The following FSTL5 variants were observed in gnomAD, a reference collection of about 807,000 sequenced individuals.
FSTL5 encodes the protein follistatin like 5, also known as follistatin-related protein 5.
FSTL5 carries 62 observed loss-of-function variants against 89.1 expected under a neutral mutation model. The observed-to-expected ratio is 0.70, with a 90% CI of 0.57 to 0.86. The LOEUF (loss-of-function observed/expected upper bound fraction) is 0.86, where lower values mean the gene tolerates loss of function less well. Ranked by LOEUF, FSTL5 falls within the 40% of genes least tolerant of loss-of-function variation. The probability of loss-of-function intolerance (pLI) is 0.00; values close to 1 mark genes in which losing one functional copy is unlikely to be tolerated. For synonymous variants in FSTL5, 383 were observed against 346.2 expected (o/e 1.11, Z -1.18); for missense variants, 1,057 against 1,001.6 (o/e 1.06, Z -0.75).
chr4:162,034,761 A>T (rs1737667057), intron 2 of FSTL5, among the ~76,000 whole-genome samples: 1 of 152,180 alleles, frequency 6.6e-6, no homozygotes, highest in African/African-American at 2.4e-5. Context: ...AGAGTAGGAA[A>T]ATATAAAGAA....
chr4:161,431,479 A>C (rs914065473), intron 15 of FSTL5, among the ~76,000 whole-genome samples: 1 of 151,934 alleles, frequency 6.6e-6, no homozygotes, highest in Non-Finnish European at 1.5e-5. Flanking sequence ...AGAACGTAAA[A>C]ATCAACAAAT....
intron 10 of FSTL5, among the ~76,000 whole-genome samples, chr4:161,516,630 A>G (rs190065076): frequency 6.7e-5 from 1 of 14,844 alleles, no homozygotes; most frequent in African/African-American, 1.5e-4. Context: ...ATTTTATATA[A>G]TAAATTATAT....
rs17041567 is a variant in FSTL5, at chr4:161,804,648, C to T, written c.410-28574G>A. ...AAAATCAATAGAAATTTAATAAGGA[C>T]GGTTTTGAGATGTGCCTAACGAAAT... On this transcript the variant is annotated intron_variant, in intron 4 of 15. Transcript: ENST00000306100. Among the ~76,000 whole-genome samples the T allele has an allele frequency of 2.0e-3, 306 of 151,684 alleles. 1 individual carries two copies. Among genetic ancestry groups the T allele is most frequent in the African/African-American group, 6.1e-3 (254 of 41,408 alleles).
chr4:162,134,649 C>T (rs993001847), intron 1 of FSTL5, among the ~76,000 whole-genome samples: 2 of 152,122 alleles, frequency 1.3e-5, no homozygotes, highest in African/African-American at 4.8e-5. Flanking sequence ...TTTCATAGTC[C>T]CATTCACTTG....
intron 3 of FSTL5, among the ~76,000 whole-genome samples, chr4:161,986,302 C>A (rs1458070665): frequency 6.6e-6 from 1 of 152,148 alleles, no homozygotes; most frequent in Non-Finnish European, 1.5e-5. Flanking sequence ...GTAATCCCAG[C>A]ACTTTGGGAG....
chr4:161,894,513 C>T, intron 4 of FSTL5, among the ~76,000 whole-genome samples: 1 of 151,996 alleles, frequency 6.6e-6, no homozygotes, highest in East Asian at 1.9e-4. Context: ...TAGAGTCTCA[C>T]TCTTGTTGCC....
At chr4:161,549,277 T>C (rs1732116451) in intron 8 of FSTL5, among the ~76,000 whole-genome samples, 1 of 151,724 alleles carries the variant, frequency 6.6e-6, no homozygotes, top group Non-Finnish European at 1.5e-5. Context: ...AATATTGTAC[T>C]ATATTTTAAG....
At chr4:162,104,068 C>T (rs549127817) in intron 2 of FSTL5, among the ~76,000 whole-genome samples, 3 of 152,306 alleles carry the variant, frequency 2.0e-5, no homozygotes, top group South Asian at 4.1e-4. Context: ...TTTCGCTCGC[C>T]GTCCACCACT....
At chr4:161,615,668 A>G (rs1457929652) in intron 7 of FSTL5, among the ~76,000 whole-genome samples, 4 of 152,140 alleles carry the variant, frequency 2.6e-5, no homozygotes, top group African/African-American at 9.7e-5. Context: ...AAAAAGATTT[A>G]AAGAGTTTTA....
chr4:161,455,094 T>C lies in FSTL5; in HGVS notation c.1751A>G (p.His584Arg). Residue 584 changes from histidine (H) to arginine (R), a missense_variant, in exon 15 of 16, where the codon CAC (histidine) becomes CGC (arginine). His to Arg is a conservative substitution (Grantham distance 29). This residue lies in a region of FSTL5 where 980 missense variants were observed against 903.2 expected (regional missense o/e 1.08). Coordinates refer to ENST00000306100, the MANE Select transcript of FSTL5 (RefSeq NM_020116.5). Reference protein sequence around the residue: ...ITLASGNVPHHTIHTQPVGKQ... With the variant: ...ITLASGNVPHRTIHTQPVGKQ... ...TCCCACTGGTTGGGTGTGGATCGTG[T>C]GGTGAGGCACATTCCCACTGGCCAG... is the stretch of plus-strand genomic sequence containing the variant. 3.1e-6 allele frequency: 5 copies of C among 1,610,946 alleles called. No homozygotes were observed. In the South Asian group the frequency reaches 4.4e-5, roughly 14 times the overall value.
At chr4:161,535,092 A>G (rs1030354323) in intron 10 of FSTL5, among the ~76,000 whole-genome samples, 3 of 152,162 alleles carry the variant, frequency 2.0e-5, no homozygotes, top group African/African-American at 7.2e-5. Context: ...TAAAGATTTC[A>G]GTGTAAGACC....
chr4:161,625,845 T>A (rs775230924), intron 7 of FSTL5, among the ~76,000 whole-genome samples: 28 of 151,930 alleles, frequency 1.8e-4, no homozygotes, highest in Non-Finnish European at 3.7e-4. Context: ...GCGAAACAGG[T>A]TTATTGATGA....
At chr4:161,682,996 C>T (rs1405431807) in intron 6 of FSTL5, among the ~76,000 whole-genome samples, 5 of 152,154 alleles carry the variant, frequency 3.3e-5, no homozygotes, top group Admixed American at 6.5e-5. Context: ...CCACCCACCT[C>T]GGCCTCCCAA....
intron 6 of FSTL5, among the ~76,000 whole-genome samples, chr4:161,674,861 C>T (rs1243826001): frequency 6.6e-6 from 1 of 152,106 alleles, no homozygotes; most frequent in Non-Finnish European, 1.5e-5. Flanking sequence ...ATTCTGTCTC[C>T]GAGAGAACTC....
intron 13 of FSTL5, among the ~76,000 whole-genome samples, chr4:161,469,324 C>G (rs1159096246): frequency 6.6e-6 from 1 of 152,190 alleles, no homozygotes; most frequent in Non-Finnish European, 1.5e-5. Context: ...CATCTGTCAA[C>G]AGACACTTGA....
At chr4:162,064,395 CTG>C (rs1738821018) in intron 2 of FSTL5, among the ~76,000 whole-genome samples, 3 of 151,992 alleles carry the variant, frequency 2.0e-5, no homozygotes, top group Admixed American at 2.0e-4. Flanking sequence ...CAAACATTTT[CTG>C]TGTGTCTGTG....
chr4:161,697,204 A>C (rs1466703410), intron 6 of FSTL5, among the ~76,000 whole-genome samples: 1 of 152,182 alleles, frequency 6.6e-6, no homozygotes, highest in Non-Finnish European at 1.5e-5. Context: ...GGACTGAGGA[A>C]TGGGGACGGG....
chr4:161,913,037 G>A (rs1341661689), intron 4 of FSTL5, among the ~76,000 whole-genome samples: 1 of 152,090 alleles, frequency 6.6e-6, no homozygotes, highest in Non-Finnish European at 1.5e-5. Flanking sequence ...AAATTTCTAA[G>A]CAGCAAAGCA....
chr4:161,522,301 G>C (rs1731062802), intron 10 of FSTL5, among the ~76,000 whole-genome samples: 1 of 152,138 alleles, frequency 6.6e-6, no homozygotes, highest in African/African-American at 2.4e-5. Flanking sequence ...TGTGGCTGTG[G>C]TAAGAATGAA....
Sources: gnomAD v4.1 joint callset for allele counts (sites outside exome capture counted in the v4.1 genomes callset) on GRCh38, gnomAD v4.1.1 for gene constraint, gnomAD v4.1.1 regional missense constraint, MANE v1.5 for transcripts, NCBI Gene and HGNC (gene_info 2026-07-23, HGNC 2026-07-21) for gene names.